ELK3: variants seen among roughly 807,000 people sequenced by gnomAD.
ELK3 encodes ETS transcription factor ELK3.
Under a neutral mutation model 28.9 loss-of-function variants are expected in ELK3, and 10 were observed. The ratio of observed to expected loss-of-function variants is 0.35; its 90% CI spans 0.21 to 0.59. The LOEUF (loss-of-function observed/expected upper bound fraction) is 0.59. ELK3 is among the 20% of genes least tolerant of loss of function. The pLI is 0.82. For missense variants in ELK3, 463 were observed against 517.3 expected (o/e 0.90, Z 1.02); for synonymous variants, 272 against 243.5 (o/e 1.12, Z -1.09).
At chr12:96,241,250 TATA>T (rs1306876038) in intron 2 of ELK3, among the ~76,000 whole-genome samples, 2 of 152,248 alleles carry the variant, frequency 1.3e-5, no homozygotes, top group Non-Finnish European at 1.5e-5. Context: ...CTCATTTAAA[TATA>T]ATCCTAATAA....
At chr12:96,238,979 G>A (rs1399526250) in intron 2 of ELK3, among the ~76,000 whole-genome samples, 1 of 152,096 alleles carries the variant, frequency 6.6e-6, no homozygotes, top group African/African-American at 2.4e-5. Flanking sequence ...AACAGAAATG[G>A]CTTAGGTCTT....
intron 1 of ELK3, among the ~76,000 whole-genome samples, chr12:96,217,780 AC>A (rs756273691): frequency 2.0e-5 from 3 of 151,916 alleles, no homozygotes; most frequent in Non-Finnish European, 4.4e-5. Flanking sequence ...CACTAAAAAT[AC>A]AAAAAAATTA....
At chr12:96,211,206 T>G (rs2887096) in intron 1 of ELK3, among the ~76,000 whole-genome samples, 44,383 of 152,114 alleles carry the variant, frequency 0.29, 6,951 homozygotes, top group East Asian at 0.61. Context: ...AAGCTCCTAT[T>G]TAATAAAGTA....
At chr12:96,229,261 G>A (rs981007832) in intron 2 of ELK3, among the ~76,000 whole-genome samples, 2 of 152,182 alleles carry the variant, frequency 1.3e-5, no homozygotes, top group Non-Finnish European at 2.9e-5. Context: ...GTTTCCTAGG[G>A]CTGCCAGGTC....
At chr12:96,257,935 G>A (rs1230981322) in intron 3 of ELK3, among the ~76,000 whole-genome samples, 2 of 152,212 alleles carry the variant, frequency 1.3e-5, no homozygotes, top group Non-Finnish European at 2.9e-5. Flanking sequence ...TCAAAAACAT[G>A]TATGAAGTAC....
intron 2 of ELK3, among the ~76,000 whole-genome samples, chr12:96,241,059 G>A (rs1358248322): frequency 6.6e-6 from 1 of 152,170 alleles, no homozygotes; most frequent in African/African-American, 2.4e-5. Context: ...CTGCCTGGGA[G>A]TTTTCAGTTT....
rs770276677 is a variant in ELK3 at position 96,247,074 on chromosome 12, G to A, written c.342G>A (p.Ala114=). The part of the protein sequence containing the change: ...SLLLQDSDCK[A]SPEGREAHKH... ...TGCTGCAGGACAGCGACTGCAAGGCGTCTCCGGAGGGCCGCGAGGCCCACA... is the reference window on the plus strand; with the variant it reads ...TGCTGCAGGACAGCGACTGCAAGGCATCTCCGGAGGGCCGCGAGGCCCACA... Residue 114 remains alanine (A), a synonymous_variant, in exon 3 of 5, where the codon GCG becomes GCA. Coordinates refer to ENST00000228741, the MANE Select transcript of ELK3 (RefSeq NM_005230.4). This position sits in a 1 kb window ranked among gnomAD's most constrained non-coding sequence, Gnocchi z 5.5. 55 of 1,613,876 alleles carry A rather than the reference G, an allele frequency of 3.4e-5. No homozygotes were observed. Among genetic ancestry groups the A allele is most frequent in the East Asian group, 2.9e-4 (13 of 44,876 alleles).
chr12:96,248,624 C>T (rs956063252), intron 3 of ELK3, among the ~76,000 whole-genome samples: 15 of 152,098 alleles, frequency 9.9e-5, no homozygotes, highest in Admixed American at 7.9e-4. Context: ...AAAATGGGAC[C>T]ATGGACAGGC....
chr12:96,268,309 T>A lies in ELK3; in HGVS notation c.*1129T>A, dbSNP rs1015995946. On this transcript the variant is annotated 3_prime_UTR_variant, in exon 5 of 5. Coordinates refer to ENST00000228741, the MANE Select transcript of ELK3 (RefSeq NM_005230.4). ...TACTAAAGGCCTTGCTTGTGGAAAC[T>A]GAGAGAGGATACACTGCTTTATGTA... 2 of 152,118 alleles carry A rather than the reference T, an allele frequency of 1.3e-5. No homozygotes were observed. The highest frequency in any genetic ancestry group is 6.5e-5 in the Admixed American group (1 of 15,268). 9.4% of individuals were successfully genotyped at this position (152,118 alleles called of 1,614,324 possible).
At position 96,228,442 on chromosome 12, in the gene ELK3, A is replaced by AAAAAAAAAAAAAAAAAAG. The variant is rs761298726; in HGVS notation, c.207+4671_207+4672insAAAAAAAAAAAAAAAGAA. Among the ~76,000 whole-genome samples, 88 of 142,630 alleles carry AAAAAAAAAAAAAAAAAAG rather than the reference A, an allele frequency of 6.2e-4. 1 individual carries two copies. The highest frequency in any genetic ancestry group is 1.1e-3 in the Non-Finnish European group (70 of 64,794). 93.6% of individuals were successfully genotyped at this position (142,630 alleles called of 152,430 possible). ...AAAAAAAAAAAAAAAAAAAAAAAAA[A>AAAAAAAAAAAAAAAAAAG]AAGAAGATCAAAACCTTTGTTGCTA... On this transcript the variant is annotated intron_variant, in intron 2 of 4. Transcript: ENST00000228741.
At position 96,259,818 on chromosome 12, in the gene ELK3, C is replaced by T; in HGVS notation, c.1090C>T (p.Pro364Ser). ...CCTTAGTCCAGTTGCTCCGCTGAGT[C>T]CTGCCAGGCTGCAAGGGCCAAGCAC... is the stretch of plus-strand genomic sequence containing the variant. ...SSLSPVAPLS[P>S]ARLQGPSTLF... Residue 364 changes from proline to serine, a missense_variant, in exon 4 of 5, where the codon CCT (proline) becomes TCT (serine). Physicochemically the swap from Pro to Ser is moderately conservative, Grantham distance 74. Coordinates refer to ENST00000228741, the MANE Select transcript of ELK3 (RefSeq NM_005230.4). 1 of 1,607,812 alleles carries T rather than the reference C, an allele frequency of 6.2e-7. No homozygotes were observed. The highest frequency in any genetic ancestry group is 2.2e-5 in the East Asian group (1 of 44,706).
chr12:96,259,726 C>G lies in ELK3; in HGVS notation c.1003-5C>G. The G allele has an allele frequency of 6.2e-7, 1 of 1,605,902 alleles. No individual in the cohort carries two copies. Among genetic ancestry groups the G allele is most frequent in the Non-Finnish European group, 8.5e-7 (1 of 1,176,148 alleles). ...ATGAAGAAGTCTGTTTGCTTTACTT[C>G]CCAGACACCAAATGGATTGCTTCTG... On this transcript the variant is annotated splice_region_variant and splice_polypyrimidine_tract_variant and intron_variant, in intron 3 of 4. Transcript: ENST00000228741.
At chr12:96,242,172 A>G (rs1330827562) in intron 2 of ELK3, among the ~76,000 whole-genome samples, 1 of 152,222 alleles carries the variant, frequency 6.6e-6, no homozygotes, top group East Asian at 1.9e-4. Context: ...ATCACTTACC[A>G]TAATAAGAGC....
intron 1 of ELK3, among the ~76,000 whole-genome samples, chr12:96,210,606 GGGA>G (rs1951572072): frequency 8.4e-6 from 1 of 119,116 alleles, no homozygotes; most frequent in South Asian, 2.7e-4. Context: ...CACCCCGAGT[GGGA>G]GGTCCAGGGG....
intron 2 of ELK3, among the ~76,000 whole-genome samples, chr12:96,239,959 C>G (rs1951809127): frequency 6.6e-6 from 1 of 152,256 alleles, no homozygotes; most frequent in Non-Finnish European, 1.5e-5. Flanking sequence ...GCACTTGGAT[C>G]TAGCAGTTAT....
intron 3 of ELK3, among the ~76,000 whole-genome samples, chr12:96,258,560 GTTC>G (rs1481207771): frequency 1.3e-5 from 2 of 152,200 alleles, no homozygotes; most frequent in Admixed American, 6.5e-5. Flanking sequence ...CTTTGCTGTG[GTTC>G]TTCTTACACA....
At chr12:96,246,025 A>G (rs922557375) in intron 2 of ELK3, among the ~76,000 whole-genome samples, 2 of 152,202 alleles carry the variant, frequency 1.3e-5, no homozygotes, top group Non-Finnish European at 2.9e-5. Flanking sequence ...CAAAAAAAAT[A>G]AAAATTAAAA....
intron 2 of ELK3, among the ~76,000 whole-genome samples, chr12:96,238,438 C>T (rs540810268): frequency 2.0e-5 from 3 of 152,372 alleles, no homozygotes; most frequent in Admixed American, 6.5e-5. Context: ...CACATGACTT[C>T]TGGCCCGTCA....
intron 4 of ELK3, among the ~76,000 whole-genome samples, chr12:96,265,303 T>G (rs1455281794): frequency 6.6e-6 from 1 of 152,188 alleles, no homozygotes; most frequent in Non-Finnish European, 1.5e-5. Flanking sequence ...AGTAATTTAT[T>G]TTGCAAAACA....
Sources: gnomAD v4.1 joint callset for allele counts (sites outside exome capture counted in the v4.1 genomes callset) on GRCh38, gnomAD v4.1.1 for gene constraint, Gnocchi (gnomAD v3.1) non-coding constraint, MANE v1.5 for transcripts, NCBI Gene and HGNC (gene_info 2026-07-23, HGNC 2026-07-21) for gene names.